The following CCSER1 variants were observed in gnomAD, a reference collection of about 807,000 sequenced individuals.
CCSER1 encodes the protein coiled-coil serine rich protein 1.
Under a neutral mutation model 82.0 loss-of-function variants are expected in CCSER1, and 41 were observed. The ratio of observed to expected loss-of-function variants is 0.50; its 90% CI spans 0.39 to 0.65. CCSER1 has a LOEUF of 0.65. Ranked by LOEUF, CCSER1 falls within the 30% of genes least tolerant of loss-of-function variation. The pLI is 0.00. For missense variants in CCSER1, 1,119 were observed against 1,064.2 expected (o/e 1.05, Z -0.72); for synonymous variants, 414 against 383.9 (o/e 1.08, Z -0.92).
intron 5 of CCSER1, among the ~76,000 whole-genome samples, chr4:90,474,857 C>T (rs770436049): frequency 1.6e-4 from 25 of 152,034 alleles, no homozygotes; most frequent in Non-Finnish European, 3.4e-4. Context: ...ACTTATAATA[C>T]ATTACTAAGT....
intron 1 of CCSER1, among the ~76,000 whole-genome samples, chr4:90,180,114 A>T (rs1409191475): frequency 1.9e-5 from 2 of 107,660 alleles, no homozygotes; most frequent in African/African-American, 4.5e-5. Context: ...TGTATTGCTT[A>T]TGTAGTTATA....
intron 5 of CCSER1, among the ~76,000 whole-genome samples, chr4:90,519,951 G>A (rs942340456): frequency 1.3e-5 from 2 of 152,024 alleles, no homozygotes; most frequent in African/African-American, 4.8e-5. Context: ...TTAAAAATGT[G>A]TAGTACAGTG....
chr4:90,158,886 G>C (rs1434926100), intron 1 of CCSER1, among the ~76,000 whole-genome samples: 2 of 152,070 alleles, frequency 1.3e-5, no homozygotes, highest in Non-Finnish European at 2.9e-5. Context: ...TGCACCCACT[G>C]TCCTGCGCCC....
intron 5 of CCSER1, among the ~76,000 whole-genome samples, chr4:90,511,340 C>A (rs1024650823): frequency 4.6e-5 from 7 of 152,142 alleles, no homozygotes; most frequent in African/African-American, 1.7e-4. Flanking sequence ...ATTGTGTGAA[C>A]CCGGGAGGTG....
rs79100482 is a variant in CCSER1 at position 90,133,857 on chromosome 4, C to T, written c.-42+6026C>T. On this transcript the variant is annotated intron_variant, in intron 1 of 10. Coordinates refer to ENST00000509176, the MANE Select transcript of CCSER1 (RefSeq NM_001145065.2). ...TTAGCAATGTCCAGCACATAGTAGA[C>T]GCCTGATAAATAGTGCCTAAAAGAA... 8.1e-3 allele frequency among the ~76,000 whole-genome samples: 1,234 copies of T among 152,204 alleles called. 22 individuals carry two copies. Among genetic ancestry groups the T allele is most frequent in the African/African-American group, 0.028 (1,154 of 41,518 alleles).
chr4:90,527,168 A>T (rs1311594076), intron 5 of CCSER1, among the ~76,000 whole-genome samples: 1 of 152,226 alleles, frequency 6.6e-6, no homozygotes, highest in Non-Finnish European at 1.5e-5. Flanking sequence ...GGCAACCTAC[A>T]GAATGGGAGA....
intron 10 of CCSER1, among the ~76,000 whole-genome samples, chr4:91,563,682 A>C (rs1762759957): frequency 1.3e-5 from 2 of 151,950 alleles, no homozygotes; most frequent in Admixed American, 1.3e-4. Flanking sequence ...TCAACATAGT[A>C]CTTGACATCG....
At chr4:91,110,486 A>T (rs944020350) in intron 10 of CCSER1, among the ~76,000 whole-genome samples, 4 of 152,048 alleles carry the variant, frequency 2.6e-5, no homozygotes, top group Admixed American at 6.5e-5. Flanking sequence ...CACTAAGTGT[A>T]AAGCCACTTA....
chr4:90,632,115 T>G (rs1724565168), intron 6 of CCSER1, among the ~76,000 whole-genome samples: 1 of 152,160 alleles, frequency 6.6e-6, no homozygotes, highest in Non-Finnish European at 1.5e-5. Context: ...GCATTAACGC[T>G]GAGATCTACT....
intron 7 of CCSER1, chr4:90,780,573 C>G (rs2271591): frequency 0.07 from 106,674 of 1,525,476 alleles, 4,517 homozygotes; most frequent in East Asian, 0.15. Flanking sequence ...CTCTTTCCAT[C>G]CAGTTCTCTA....
chr4:90,223,166 AT>A (rs1334237739), intron 1 of CCSER1, among the ~76,000 whole-genome samples: 1 of 152,164 alleles, frequency 6.6e-6, no homozygotes, highest in Non-Finnish European at 1.5e-5. Flanking sequence ...CATTTCTAAA[AT>A]TTTGTAGTTT....
chr4:90,450,097 A>G (rs1368180551), intron 4 of CCSER1, among the ~76,000 whole-genome samples: 3 of 152,082 alleles, frequency 2.0e-5, no homozygotes, highest in Non-Finnish European at 4.4e-5. Context: ...CGTGCTGACA[A>G]GGGACATTGT....
intron 9 of CCSER1, among the ~76,000 whole-genome samples, chr4:91,031,183 G>C (rs1740951302): frequency 6.6e-6 from 1 of 152,124 alleles, no homozygotes; most frequent in African/African-American, 2.4e-5. Flanking sequence ...AGATGTCACT[G>C]CCTGGATGAG....
At chr4:91,297,373 G>A (rs1482610407) in intron 10 of CCSER1, among the ~76,000 whole-genome samples, 2 of 101,358 alleles carry the variant, frequency 2.0e-5, no homozygotes, top group Non-Finnish European at 4.1e-5. Flanking sequence ...GCTTGTGTGT[G>A]TGTGTGTGTG....
At chr4:91,381,399 T>A (rs1750879344) in intron 10 of CCSER1, among the ~76,000 whole-genome samples, 1 of 152,190 alleles carries the variant, frequency 6.6e-6, no homozygotes, top group Non-Finnish European at 1.5e-5. Flanking sequence ...AGACCTAGAT[T>A]TGGTCTTTTC....
At chr4:91,359,772 C>T (rs1191059842) in intron 10 of CCSER1, among the ~76,000 whole-genome samples, 1 of 151,612 alleles carries the variant, frequency 6.6e-6, no homozygotes, top group Non-Finnish European at 1.5e-5. Context: ...AGTATTGGTG[C>T]ATAATTTCAC....
chr4:91,184,314 T>C (rs148253678), intron 10 of CCSER1, among the ~76,000 whole-genome samples: 2,041 of 152,370 alleles, frequency 0.013, 30 homozygotes, highest in African/African-American at 0.037. Context: ...GGTTGTTTAC[T>C]GCAGGAATTG....
At chr4:90,767,200 G>A (rs1013406175) in intron 7 of CCSER1, among the ~76,000 whole-genome samples, 1 of 152,110 alleles carries the variant, frequency 6.6e-6, no homozygotes, top group African/African-American at 2.4e-5. Flanking sequence ...TCATTGTCCT[G>A]CTTGTATGTG....
At chr4:90,254,978 AACACACACACACAC>A in intron 1 of CCSER1, among the ~76,000 whole-genome samples, 1 of 143,018 alleles carries the variant, frequency 7.0e-6, no homozygotes, top group Middle Eastern at 3.5e-3. Context: ...CATATATATC[AACACACACACACAC>A]ACACACACAC....
Sources: gnomAD v4.1 joint callset for allele counts (sites outside exome capture counted in the v4.1 genomes callset) on GRCh38, gnomAD v4.1.1 for gene constraint, MANE v1.5 for transcripts, NCBI Gene and HGNC (gene_info 2026-07-23, HGNC 2026-07-21) for gene names.